The following CFAP92 variants were observed in gnomAD, a reference collection of about 807,000 sequenced individuals.
CFAP92 encodes uncharacterized protein CFAP92.
CFAP92 carries 86 observed loss-of-function variants against 106.3 expected under a neutral mutation model. The observed-to-expected ratio is 0.81, with a 90% CI of 0.68 to 0.97. CFAP92 has a LOEUF of 0.97. CFAP92 is among the 50% of genes least tolerant of loss of function. The pLI is 0.00. For missense variants in CFAP92, 1,204 were observed against 1,283.8 expected, an observed-to-expected ratio of 0.94 and a Z score of 0.95; for synonymous variants, 477 against 506.4, an observed-to-expected ratio of 0.94 and a Z score of 0.78.
intron 9 of CFAP92, among the ~76,000 whole-genome samples, chr3:128,953,274 G>T (rs2107741761): frequency 6.6e-6 from 1 of 152,050 alleles, no homozygotes; most frequent in Non-Finnish European, 1.5e-5. Flanking sequence ...CCAGCACTTT[G>T]GGAGGCTGAG....
chr3:128,923,235 G>C (rs1156375359), intron 12 of CFAP92, among the ~76,000 whole-genome samples: 1 of 152,196 alleles, frequency 6.6e-6, no homozygotes, highest in African/African-American at 2.4e-5. Context: ...CCATGGAGGG[G>C]GTTCCCCCAG....
At chr3:128,994,206 C>T, upstream of CFAP92, 3 of 948,088 alleles carry the variant, frequency 3.2e-6, no homozygotes, top group Non-Finnish European at 3.8e-6. Context: ...TCCCCCTCAG[C>T]CACTGCGCGC....
rs542804367 is a variant in CFAP92 at position 128,915,159 on chromosome 3, G to T, written c.3240C>A (p.Phe1080Leu). Residue 1080 changes from phenylalanine to leucine, a missense_variant, in exon 15 of 16, where the codon TTC (phenylalanine) becomes TTA (leucine). Transcript: ENST00000645291. ...GTGCGGGCGAAGGGAGCAGCTCGAG[G>T]AAAGGTGGTGGTTTCTTGTACAGAT... The part of the protein sequence containing the change: ...DFDLYKKPPP[F>L]LELLPSPAPK... The T allele has an allele frequency of 5.9e-6, 9 of 1,536,148 alleles. No homozygotes were observed. Among genetic ancestry groups the T allele is most frequent in the South Asian group, 3.6e-5 (3 of 84,054 alleles).
At chr3:128,978,300 A>C in intron 4 of CFAP92, 115 bp from the exon 5 acceptor site, 1 of 1,002,364 alleles carries the variant, frequency 1.0e-6, no homozygotes, top group East Asian at 2.4e-5. Context: ...ACTACACTAA[A>C]GTAAATATCA....
At chr3:129,001,561 C>A (rs934857536) in intron 1 of CFAP92, 2 of 1,347,820 alleles carry the variant, frequency 1.5e-6, no homozygotes, top group East Asian at 3.0e-5. Context: ...ACTCTGGGGC[C>A]GCCCCTGGAA....
chr3:128,947,693 G>C (rs80083153), intron 9 of CFAP92, among the ~76,000 whole-genome samples: 5,682 of 152,242 alleles, frequency 0.037, 343 homozygotes, highest in African/African-American at 0.13. Flanking sequence ...ATCAAAGGCT[G>C]GGTGTGGTGG....
chr3:128,944,986 C>A (rs1329226671), intron 10 of CFAP92, 85 bp downstream of exon 10: 34 of 1,208,788 alleles, frequency 2.8e-5, no homozygotes, highest in Middle Eastern at 2.9e-4. Context: ...GATGCTAAAC[C>A]TAGGCTTGGC....
intron 7 of CFAP92, among the ~76,000 whole-genome samples, chr3:128,972,577 C>T (rs184991388): frequency 1.1e-4 from 16 of 151,280 alleles, no homozygotes; most frequent in Admixed American, 7.9e-4. Flanking sequence ...ATGTTTCGCC[C>T]GAGTGTGGTA....
chr3:129,002,211 C>G (rs1944815620), intron 1 of CFAP92: 13 of 1,526,802 alleles, frequency 8.5e-6, no homozygotes, highest in Non-Finnish European at 1.1e-5. Flanking sequence ...CGACAGCGGT[C>G]CTGACTGTGA....
chr3:128,996,465 C>T (rs993724650), upstream of CFAP92, among the ~76,000 whole-genome samples: 32 of 152,260 alleles, frequency 2.1e-4, no homozygotes, highest in Admixed American at 1.9e-3. Context: ...GTGTCTGGGT[C>T]AAGACCTAGG....
intron 8 of CFAP92, 91 bp downstream of exon 8, chr3:128,971,196 G>T: frequency 6.3e-7 from 1 of 1,589,586 alleles, no homozygotes; most frequent in Non-Finnish European, 8.6e-7. Context: ...GAGGTGGCAC[G>T]CAGCAGGGTT....
At chr3:129,024,114 G>T in the CFAP92 span, among the ~76,000 whole-genome samples, 1 of 152,210 alleles carries the variant, frequency 6.6e-6, no homozygotes, top group East Asian at 1.9e-4. Flanking sequence ...GGAAATCCCA[G>T]TCTGGTGAGA....
rs954597717 is a variant in CFAP92 at position 128,922,518 on chromosome 3, C to G, written c.2752-6247G>C. The stretch of plus-strand genomic sequence containing the variant: ...AGGAAAGGCTGTATATTGGGTTAAT[C>G]TAGTGTCTGACAGAAGACCTATTTG... On this transcript the variant is annotated intron_variant, in intron 12 of 15. Coordinates refer to ENST00000645291, the MANE Select transcript of CFAP92 (RefSeq NM_001394090.1). 2.6e-5 allele frequency among the ~76,000 whole-genome samples: 4 copies of G among 152,162 alleles called. No individual in the cohort carries two copies. The East Asian group carries it at 7.7e-4, about 29-fold the overall frequency.
chr3:128,938,889 A>G (rs1576448286), intron 10 of CFAP92, among the ~76,000 whole-genome samples: 1 of 152,194 alleles, frequency 6.6e-6, no homozygotes, highest in East Asian at 1.9e-4. Flanking sequence ...TTTGCAAATG[A>G]CATGATGGTC....
upstream of CFAP92, among the ~76,000 whole-genome samples, chr3:128,996,403 C>T (rs1317190759): frequency 6.6e-6 from 1 of 152,166 alleles, no homozygotes; most frequent in East Asian, 1.9e-4. Flanking sequence ...TAAATTACCA[C>T]CAAGATTGTA....
intron 12 of CFAP92, among the ~76,000 whole-genome samples, chr3:128,932,419 A>G (rs140486050): frequency 3.3e-5 from 5 of 152,094 alleles, no homozygotes; most frequent in South Asian, 4.2e-4. Flanking sequence ...TTTCTCTACA[A>G]TGAACTCTGG....
At chr3:128,920,885 T>G (rs1236630080) in intron 12 of CFAP92, among the ~76,000 whole-genome samples, 3 of 152,228 alleles carry the variant, frequency 2.0e-5, no homozygotes, top group African/African-American at 7.2e-5. Context: ...CGATTGTGTC[T>G]TAAACTAGAA....
intron 10 of CFAP92, among the ~76,000 whole-genome samples, chr3:128,944,573 G>T (rs926276931): frequency 4.6e-5 from 7 of 152,194 alleles, no homozygotes; most frequent in Non-Finnish European, 4.4e-5. Flanking sequence ...GAGGTGTCAT[G>T]TCACCAAAAC....
At chr3:128,940,461 T>C (rs1174299257) in intron 10 of CFAP92, among the ~76,000 whole-genome samples, 2 of 152,220 alleles carry the variant, frequency 1.3e-5, no homozygotes, top group Non-Finnish European at 2.9e-5. Context: ...ACACTTCTGA[T>C]TTCTCCACAT....
Sources: gnomAD v4.1 joint callset for allele counts (sites outside exome capture counted in the v4.1 genomes callset) on GRCh38, gnomAD v4.1.1 for gene constraint, MANE v1.5 for transcripts, NCBI Gene and HGNC (gene_info 2026-07-23, HGNC 2026-07-21) for gene names.